Variants in PI4KA observed in about 807,000 individuals in gnomAD.
The protein encoded by PI4KA is PI4-kinase alpha.
In PI4KA, 122 loss-of-function variants were observed where a neutral mutation model predicts 271.4. The ratio of observed to expected loss-of-function variants is 0.45; its 90% confidence interval spans 0.39 to 0.52. The LOEUF (loss-of-function observed/expected upper bound fraction) is 0.52. Among genes scored for constraint, PI4KA ranks in the 20% least tolerant of loss-of-function variants. The probability of loss-of-function intolerance (pLI) is 0.00; values close to 1 mark genes in which losing one functional copy is unlikely to be tolerated. For missense variants in PI4KA, 1,969 were observed against 2,769.1 expected, an observed-to-expected ratio of 0.71 and a Z score of 6.48; for synonymous variants, 1,041 against 1,078.8, an observed-to-expected ratio of 0.96 and a Z score of 0.69.
intron 42 of PI4KA, among the ~76,000 whole-genome samples, chr22:20,723,463 C>T (rs529585553): frequency 3.9e-4 from 59 of 151,670 alleles, no homozygotes; most frequent in Admixed American, 1.6e-3. Flanking sequence ...TTTGGGAGGC[C>T]GAGGCAGGTG....
At chr22:20,793,636 A>G (rs769069704) in intron 18 of PI4KA, among the ~76,000 whole-genome samples, 9 of 152,232 alleles carry the variant, frequency 5.9e-5, no homozygotes, top group Non-Finnish European at 1.2e-4. Flanking sequence ...TAATAAATAC[A>G]TATGCATAAA....
chr22:20,765,698 T>A lies in PI4KA; in HGVS notation c.2329-5A>T. 1 of 1,599,676 alleles carries A rather than the reference T, an allele frequency of 6.3e-7. No homozygotes were observed. Among genetic ancestry groups the A allele is most frequent in the East Asian group, 2.2e-5 (1 of 44,654 alleles). On this transcript the variant is annotated splice_polypyrimidine_tract_variant and splice_region_variant and intron_variant, in intron 19 of 54. Transcript: ENST00000255882. ...GGGTGGCAGTCGTCGGGTGAGCTGA[T>A]GTGCCAAGAAGAGAGGGAGAAAGGA...
At chr22:20,855,958 G>A (rs905216338) in intron 1 of PI4KA, among the ~76,000 whole-genome samples, 5 of 152,212 alleles carry the variant, frequency 3.3e-5, no homozygotes, top group African/African-American at 1.2e-4. Flanking sequence ...AGCAGCCCCA[G>A]TGCTGCTCTA....
At position 20,764,900 on chromosome 22, in the gene PI4KA, A is replaced by AG. The variant is rs747391554; in HGVS notation, c.2624dup (p.Pro876SerfsTer36). 1.2e-6 allele frequency: 2 copies of AG among 1,613,272 alleles called. No homozygotes were observed. Among genetic ancestry groups the AG allele is most frequent in the Admixed American group, 1.7e-5 (1 of 59,926 alleles). On this transcript the variant is annotated frameshift_variant, in exon 22 of 55. Coordinates refer to ENST00000255882, the MANE Select transcript of PI4KA (RefSeq NM_058004.4). LOFTEE classifies it high-confidence loss of function. ...TGTTGATGAGTGCGGACACCTCGGG[A>AG]GGGGGGTCCAGCAGGTTGATGATAG... is the stretch of plus-strand genomic sequence containing the variant.
chr22:20,723,388 A>C (rs1343645807), intron 42 of PI4KA, among the ~76,000 whole-genome samples: 3 of 152,210 alleles, frequency 2.0e-5, no homozygotes, highest in East Asian at 3.9e-4. Flanking sequence ...TAGTGATATA[A>C]ATTTTTTTAA....
intron 1 of PI4KA, among the ~76,000 whole-genome samples, chr22:20,845,592 A>G (rs979182423): frequency 6.6e-6 from 1 of 152,220 alleles, no homozygotes; most frequent in African/African-American, 2.4e-5. Flanking sequence ...TTTCGAAGTG[A>G]CTCAGAGCTA....
intron 32 of PI4KA, among the ~76,000 whole-genome samples, chr22:20,737,407 T>G (rs1231478960): frequency 2.0e-5 from 3 of 152,086 alleles, no homozygotes; most frequent in Non-Finnish European, 4.4e-5. Flanking sequence ...GTACTCCAAC[T>G]GCCCTGCCCC....
chr22:20,817,612 T>C (rs1288836885), intron 7 of PI4KA, among the ~76,000 whole-genome samples: 1 of 150,720 alleles, frequency 6.6e-6, no homozygotes, highest in African/African-American at 2.4e-5. Context: ...AGGGTGCCTA[T>C]AGTCCTAGCT....
chr22:20,726,451 G>C, intron 42 of PI4KA, 37 bp downstream of exon 42: 1 of 1,510,444 alleles, frequency 6.6e-7, no homozygotes, highest in Non-Finnish European at 8.8e-7. Context: ...AACACACTCT[G>C]TGAGTGAAGA....
At chr22:20,851,289 G>A (rs1041078866) in intron 1 of PI4KA, among the ~76,000 whole-genome samples, 5 of 151,900 alleles carry the variant, frequency 3.3e-5, no homozygotes, top group South Asian at 2.1e-4. Flanking sequence ...TCATATGAAC[G>A]GATGGTGCCA....
intron 19 of PI4KA, chr22:20,779,517 T>C (rs760165898): frequency 6.2e-7 from 1 of 1,613,974 alleles, no homozygotes; most frequent in South Asian, 1.1e-5. Context: ...CACCAACGAC[T>C]GGATTCCAGA....
chr22:20,821,352 A>G lies in PI4KA; in HGVS notation c.457-741T>C, dbSNP rs575802652. 1.6e-4 allele frequency among the ~76,000 whole-genome samples: 24 copies of G among 150,800 alleles called. No homozygotes were observed. In the East Asian group the frequency reaches 1.8e-3, roughly 12 times the overall value. ...TCCTGACTCAGTCTCCTGAGTAGCT[A>G]AGATTACAGGTGCATGCCACCATGC... On this transcript the variant is annotated intron_variant, in intron 4 of 54. Transcript: ENST00000255882.
intron 19 of PI4KA, among the ~76,000 whole-genome samples, chr22:20,778,212 A>C (rs940462928): frequency 9.9e-5 from 15 of 152,122 alleles, no homozygotes; most frequent in African/African-American, 3.6e-4. Flanking sequence ...CAAATTAAAC[A>C]ACCCCAGGTC....
intron 4 of PI4KA, among the ~76,000 whole-genome samples, chr22:20,821,705 C>T (rs147148958): frequency 1.3e-5 from 2 of 151,674 alleles, no homozygotes; most frequent in African/African-American, 4.8e-5. Context: ...GATTCTCCTG[C>T]CTCAGCCTCC....
At chr22:20,769,614 A>G (rs555483575) in intron 19 of PI4KA, among the ~76,000 whole-genome samples, 65 of 151,474 alleles carry the variant, frequency 4.3e-4, no homozygotes, top group East Asian at 3.5e-3. Flanking sequence ...GGTTGCAGTG[A>G]GCCAAGATTG....
Position 20,799,722 on chromosome 22 carries a change from G to C in PI4KA, c.1769C>G (p.Ala590Gly). The change falls in exon 15 of 55, where the codon GCG (alanine) becomes GGG (glycine). Residue 590 changes from alanine (A) to glycine (G), a missense_variant. Around this residue, in one of 13 missense-constraint regions of PI4KA, gnomAD observed 228 missense variants for 261.6 expected, o/e 0.87. Transcript: ENST00000255882. ...GLTVDPVIVE[A>G]FLASLSNRLY... ...CCGGTTGGACAGGCTGGCCAAGAAC[G>C]CCTCCACAATCACTGGGTCCACCGT... The C allele has an allele frequency of 6.4e-7, 1 of 1,552,934 alleles. No homozygotes were observed. The highest frequency in any genetic ancestry group is 8.7e-7 in the Non-Finnish European group (1 of 1,147,660).
intron 3 of PI4KA, among the ~76,000 whole-genome samples, chr22:20,827,376 A>G (rs1923559131): frequency 6.6e-6 from 1 of 151,974 alleles, no homozygotes; most frequent in Non-Finnish European, 1.5e-5. Context: ...GTGCAGCATT[A>G]TTTCTGGGCT....
intron 45 of PI4KA, among the ~76,000 whole-genome samples, chr22:20,716,875 C>T (rs1312295060): frequency 6.6e-6 from 1 of 152,230 alleles, no homozygotes; most frequent in Non-Finnish European, 1.5e-5. Flanking sequence ...CTGCAGGGCA[C>T]TCCACAGCTG....
intron 3 of PI4KA, among the ~76,000 whole-genome samples, chr22:20,831,542 T>C (rs536894401): frequency 3.9e-5 from 6 of 152,074 alleles, no homozygotes; most frequent in Non-Finnish European, 8.8e-5. Flanking sequence ...CACTCCAGCC[T>C]GAGTGATGGA....
Sources: gnomAD v4.1 joint callset for allele counts (sites outside exome capture counted in the v4.1 genomes callset) on GRCh38, gnomAD v4.1.1 for gene constraint, gnomAD v4.1.1 regional missense constraint, MANE v1.5 for transcripts, NCBI Gene and HGNC (gene_info 2026-07-23, HGNC 2026-07-21) for gene names.